PRKAR1A: variants seen among roughly 807,000 people sequenced by gnomAD.
PRKAR1A encodes cAMP-dependent protein kinase type I-alpha regulatory subunit.
In PRKAR1A, 3 loss-of-function variants were observed where a neutral mutation model predicts 52.0. The observed-to-expected ratio is 0.06, with a 90% CI of 0.03 to 0.15. PRKAR1A has a LOEUF of 0.15. Among genes scored for constraint, PRKAR1A ranks in the 10% least tolerant of loss-of-function variants. The pLI is 1.00. For missense variants in PRKAR1A, 240 were observed against 477.4 expected (o/e 0.50, Z 4.63); for synonymous variants, 188 against 168.4 (o/e 1.12, Z -0.90).
At chr17:68,457,946 G>C in the PRKAR1A span, among the ~76,000 whole-genome samples, 2 of 152,192 alleles carry the variant, frequency 1.3e-5, no homozygotes, top group Non-Finnish European at 2.9e-5. Context: ...TCCGGCAACT[G>C]CGTCGGGGCC....
At chr17:68,424,382 A>C in the PRKAR1A span, 1,785 of 525,260 alleles carry the variant, frequency 3.4e-3, 28 homozygotes, top group African/African-American at 0.031. Context: ...TCTAAGCCAA[A>C]TGTGCTCACT....
At chr17:68,457,801 G>A in the PRKAR1A span, among the ~76,000 whole-genome samples, 2,526 of 152,264 alleles carry the variant, frequency 0.017, 68 homozygotes, top group African/African-American at 0.058. Context: ...GCTTCGTAAC[G>A]CGGCTCTCCA....
chr17:68,461,752 G>T, the PRKAR1A span, among the ~76,000 whole-genome samples: 1 of 152,184 alleles, frequency 6.6e-6, no homozygotes, highest in Non-Finnish European at 1.5e-5. This position sits in a 1 kb window ranked among gnomAD's most constrained non-coding sequence, Gnocchi z 4.6. Flanking sequence ...GAGCCAAGAG[G>T]GAGAGGGAGG....
the PRKAR1A span, chr17:68,435,700 T>C: frequency 6.2e-7 from 1 of 1,614,210 alleles, no homozygotes; most frequent in Non-Finnish European, 8.5e-7. Context: ...GCAGCAATAG[T>C]GCAGACTGTT....
At chr17:68,476,230 G>A in the PRKAR1A span, among the ~76,000 whole-genome samples, 1 of 151,966 alleles carries the variant, frequency 6.6e-6, no homozygotes, top group East Asian at 1.9e-4. Flanking sequence ...TTATGTTTGG[G>A]TTGTGTGATT....
the PRKAR1A span, among the ~76,000 whole-genome samples, chr17:68,457,046 C>T: frequency 3.9e-5 from 6 of 152,204 alleles, no homozygotes; most frequent in Non-Finnish European, 2.9e-5. Flanking sequence ...CGCCCTGCTC[C>T]CCCCATATTC....
At chr17:68,539,626 C>T (rs557421045) in intron 11 of PRKAR1A, among the ~76,000 whole-genome samples, 1 of 152,364 alleles carries the variant, frequency 6.6e-6, no homozygotes, top group East Asian at 1.9e-4. Context: ...GGGCCAGCCA[C>T]TGAGGATGCA....
the PRKAR1A span, among the ~76,000 whole-genome samples, chr17:68,419,542 A>T: frequency 7.9e-5 from 12 of 152,206 alleles, no homozygotes; most frequent in African/African-American, 2.9e-4. Flanking sequence ...GTGCCATTGC[A>T]CTCCAGCCTG....
the PRKAR1A span, chr17:68,457,460 G>A: frequency 1.3e-5 from 19 of 1,440,398 alleles, no homozygotes; most frequent in Admixed American, 4.3e-4. Flanking sequence ...CGGAGCCGGC[G>A]ACAGCCACCT....
upstream of PRKAR1A, among the ~76,000 whole-genome samples, chr17:68,509,155 T>C (rs2085231693): frequency 6.6e-6 from 1 of 152,214 alleles, no homozygotes; most frequent in Non-Finnish European, 1.5e-5. Flanking sequence ...TTTGGTATTG[T>C]TTCACAAGCA....
rs2085287973 is a variant in PRKAR1A, at chr17:68,512,465, G to C, written c.-90G>C. ...CCTAGCCGCTATCGCAGAGTGGAGC[G>C]GGGCTGGGAGCAAAGCGCTGAGGGA... On this transcript the variant is annotated 5_prime_UTR_variant, in exon 1 of 11. Transcript: ENST00000589228. 6.5e-6 allele frequency: 1 copy of C among 153,388 alleles called. No homozygotes were observed. Among genetic ancestry groups the C allele is most frequent in the South Asian group, 2.0e-4 (1 of 5,064 alleles). The allele number at this position is 153,388 out of a possible 1,614,324, so 9.5% of individuals were successfully genotyped here.
upstream of PRKAR1A, among the ~76,000 whole-genome samples, chr17:68,508,950 C>T (rs1186718772): frequency 6.6e-6 from 1 of 152,128 alleles, no homozygotes; most frequent in Non-Finnish European, 1.5e-5. Flanking sequence ...TATAAGTACT[C>T]AGTACCATTG....
chr17:68,482,049 G>C, the PRKAR1A span, among the ~76,000 whole-genome samples: 1 of 152,210 alleles, frequency 6.6e-6, no homozygotes, highest in Admixed American at 6.5e-5. Flanking sequence ...TGTGTGGCAA[G>C]TGCTGTGTGT....
At chr17:68,487,325 G>A in the PRKAR1A span, among the ~76,000 whole-genome samples, 1 of 152,076 alleles carries the variant, frequency 6.6e-6, no homozygotes, top group Non-Finnish European at 1.5e-5. Context: ...TTTACCTCCA[G>A]GTACATTTTT....
chr17:68,455,044 T>C, the PRKAR1A span, among the ~76,000 whole-genome samples: 2 of 152,110 alleles, frequency 1.3e-5, no homozygotes, highest in Non-Finnish European at 2.9e-5. Flanking sequence ...GGGACAAATA[T>C]TTATCATTAA....
At chr17:68,433,697 C>G in the PRKAR1A span, 1 of 580,832 alleles carries the variant, frequency 1.7e-6, no homozygotes, top group African/African-American at 1.9e-5. Context: ...AGACCCAGAT[C>G]CCTTAAACAC....
chr17:68,507,202 A>G (rs2085209075), upstream of PRKAR1A, among the ~76,000 whole-genome samples: 1 of 152,246 alleles, frequency 6.6e-6, no homozygotes, highest in South Asian at 2.1e-4. Flanking sequence ...CATACCATCC[A>G]TGACACAAAG....
chr17:68,521,938 G>A (rs1260492197), intron 2 of PRKAR1A, among the ~76,000 whole-genome samples: 1 of 152,134 alleles, frequency 6.6e-6, no homozygotes, highest in Non-Finnish European at 1.5e-5. Flanking sequence ...GGCTCTAGAT[G>A]TGAAAAAAGG....
chr17:68,479,018 G>A, the PRKAR1A span, among the ~76,000 whole-genome samples: 299 of 152,272 alleles, frequency 2.0e-3, 1 homozygote, highest in Middle Eastern at 0.01. Flanking sequence ...ATAAGCCACC[G>A]CGCCCAGCCT....
Sources: allele counts gnomAD v4.1 joint callset (sites outside exome capture counted in the v4.1 genomes callset), GRCh38; gene constraint gnomAD v4.1.1; non-coding constraint Gnocchi (gnomAD v3.1); transcripts MANE v1.5; gene names NCBI Gene and HGNC (gene_info 2026-07-23, HGNC 2026-07-21).